Variants in ANXA8 observed in about 807,000 individuals in gnomAD.
The protein encoded by ANXA8 is VAC-beta.
Under a neutral mutation model 26.8 loss-of-function variants are expected in ANXA8, and 9 were observed. That is an observed-to-expected ratio of 0.34 (90% CI 0.20 to 0.59). The LOEUF (loss-of-function observed/expected upper bound fraction) is 0.59, where lower values mean the gene tolerates loss of function less well. Ranked by LOEUF, ANXA8 falls within the 20% of genes least tolerant of loss-of-function variation. The pLI is 0.84. For missense variants in ANXA8, 83 were observed against 238.5 expected, an observed-to-expected ratio of 0.35 and a Z score of 4.29; for synonymous variants, 39 against 94.8, an observed-to-expected ratio of 0.41 and a Z score of 3.42.
the ANXA8 span, among the ~76,000 whole-genome samples, chr10:47,971,320 G>A: frequency 1.3e-5 from 2 of 151,282 alleles, no homozygotes; most frequent in African/African-American, 2.4e-5. Flanking sequence ...AGGAAGGGGA[G>A]AGAGGAGATA....
At chr10:47,660,769 C>CT in the ANXA8 span, among the ~76,000 whole-genome samples, 607 of 83,744 alleles carry the variant, frequency 7.2e-3, 2 homozygotes, top group African/African-American at 0.025. Flanking sequence ...TTTGGCGTGG[C>CT]TTTTTTTTTT....
the ANXA8 span, among the ~76,000 whole-genome samples, chr10:47,499,927 C>A: frequency 6.7e-6 from 1 of 150,054 alleles, no homozygotes; most frequent in Non-Finnish European, 1.5e-5. Flanking sequence ...GCCACCATGT[C>A]CAGCTAATTT....
chr10:47,735,424 A>G, the ANXA8 span, among the ~76,000 whole-genome samples: 3 of 148,938 alleles, frequency 2.0e-5, no homozygotes, highest in African/African-American at 7.5e-5. Flanking sequence ...TTTGGAAAAT[A>G]TGGATGAATG....
chr10:47,978,176 GT>G, the ANXA8 span, among the ~76,000 whole-genome samples: 1 of 152,008 alleles, frequency 6.6e-6, no homozygotes, highest in East Asian at 1.9e-4. Context: ...TAAAAGTATT[GT>G]AAGAAAATGA....
At chr10:47,555,365 G>A in the ANXA8 span, among the ~76,000 whole-genome samples, 1 of 151,308 alleles carries the variant, frequency 6.6e-6, no homozygotes, top group African/African-American at 2.4e-5. Context: ...AGGGCACTAA[G>A]AGGGGAGGAC....
the ANXA8 span, among the ~76,000 whole-genome samples, chr10:47,755,555 C>CT: frequency 0.37 from 30,939 of 83,218 alleles, 5,098 homozygotes; most frequent in Non-Finnish European, 0.45. Context: ...GTGCCCGGCC[C>CT]TTTTTTTTTT....
upstream of ANXA8, among the ~76,000 whole-genome samples, chr10:47,485,402 A>G (rs1345072277): frequency 3.3e-3 from 437 of 131,238 alleles, no homozygotes; most frequent in Non-Finnish European, 4.2e-3. Flanking sequence ...CGTTTGGGTC[A>G]GGAGAATTTG....
At chr10:47,666,736 T>C in the ANXA8 span, among the ~76,000 whole-genome samples, 2 of 151,974 alleles carry the variant, frequency 1.3e-5, no homozygotes, top group African/African-American at 4.8e-5. Context: ...TCAAATGTTA[T>C]ACAGTTTAAT....
the ANXA8 span, among the ~76,000 whole-genome samples, chr10:47,637,366 C>T: frequency 2.0e-5 from 3 of 149,232 alleles, no homozygotes; most frequent in African/African-American, 7.7e-5. Context: ...TCATGAGGAG[C>T]AGCTTTACAA....
the ANXA8 span, among the ~76,000 whole-genome samples, chr10:47,762,314 C>T: frequency 4.8e-3 from 720 of 150,408 alleles, 1 homozygote; most frequent in Non-Finnish European, 7.5e-3. Context: ...GGTGCTCAGA[C>T]GCTGGGTTCC....
At chr10:47,639,341 C>A in the ANXA8 span, among the ~76,000 whole-genome samples, 1 of 122,246 alleles carries the variant, frequency 8.2e-6, no homozygotes, top group East Asian at 2.4e-4. Context: ...GAGACGGAGT[C>A]TAGCTCTTTC....
the ANXA8 span, chr10:47,706,676 T>G: frequency 7.8e-7 from 1 of 1,281,018 alleles, no homozygotes; most frequent in East Asian, 3.1e-5. Context: ...CTGCTGTTGA[T>G]GTTTTTCGAA....
chr10:47,668,053 A>G, the ANXA8 span, among the ~76,000 whole-genome samples: 2 of 151,668 alleles, frequency 1.3e-5, no homozygotes, highest in African/African-American at 4.9e-5. Context: ...CAGTGTTTTC[A>G]GTTACGAAAC....
chr10:47,988,863 G>C, the ANXA8 span, among the ~76,000 whole-genome samples: 1 of 151,750 alleles, frequency 6.6e-6, no homozygotes, highest in Non-Finnish European at 1.5e-5. Context: ...TTTGTTGAAA[G>C]CCTGCTATCT....
At chr10:47,627,400 TAA>T in the ANXA8 span, among the ~76,000 whole-genome samples, 1 of 150,258 alleles carries the variant, frequency 6.7e-6, no homozygotes, top group Non-Finnish European at 1.5e-5. Context: ...CAAACTGTGA[TAA>T]AGAGTGTCAC....
the ANXA8 span, among the ~76,000 whole-genome samples, chr10:47,947,712 A>G: frequency 6.6e-6 from 1 of 150,644 alleles, no homozygotes; most frequent in Non-Finnish European, 1.5e-5. Context: ...GGCTTCCCCA[A>G]CCATGCTTCC....
At chr10:47,932,329 TG>T in the ANXA8 span, among the ~76,000 whole-genome samples, 1 of 150,444 alleles carries the variant, frequency 6.6e-6, no homozygotes, top group African/African-American at 2.4e-5. Context: ...GGCCCATCTG[TG>T]GGGGGCATCA....
the ANXA8 span, among the ~76,000 whole-genome samples, chr10:47,613,966 G>C: frequency 6.8e-5 from 5 of 73,478 alleles, 2 homozygotes; most frequent in Admixed American, 7.2e-4. Context: ...CCCAGGGGTT[G>C]GGACCCCTGT....
At chr10:47,490,097 T>A in the ANXA8 span, among the ~76,000 whole-genome samples, 3 of 150,702 alleles carry the variant, frequency 2.0e-5, no homozygotes, top group African/African-American at 7.4e-5. Flanking sequence ...CACACCCCTC[T>A]CAGGATGTGC....
Sources: allele counts gnomAD v4.1 joint callset (sites outside exome capture counted in the v4.1 genomes callset), GRCh38; gene constraint gnomAD v4.1.1; transcripts MANE v1.5; gene names NCBI Gene and HGNC (gene_info 2026-07-23, HGNC 2026-07-21).